The following CEP112 variants were observed in gnomAD, a reference collection of about 807,000 sequenced individuals.
CEP112 encodes the protein centrosomal protein 112.
CEP112 carries 127 observed loss-of-function variants against 153.0 expected under a neutral mutation model. That is an observed-to-expected ratio of 0.83 (90% confidence interval 0.72 to 0.96). CEP112 has a LOEUF of 0.96. CEP112 is among the 40% of genes least tolerant of loss of function. The pLI, the probability that CEP112 is intolerant of heterozygous loss-of-function variation, is 0.00. For missense variants in CEP112, 1,089 were observed against 1,101.2 expected (o/e 0.99, Z 0.16); for synonymous variants, 358 against 374.4 (o/e 0.96, Z 0.51).
intron 21 of CEP112, among the ~76,000 whole-genome samples, chr17:65,753,947 C>T (rs531089491): frequency 6.6e-6 from 1 of 152,244 alleles, no homozygotes; most frequent in South Asian, 2.1e-4. Flanking sequence ...AATGAAGCTC[C>T]TTTATAACTA....
chr17:65,711,165 T>C (rs914929756), intron 23 of CEP112, among the ~76,000 whole-genome samples: 3 of 152,186 alleles, frequency 2.0e-5, no homozygotes, highest in Admixed American at 1.3e-4. Context: ...CTCCCAGCAC[T>C]AAATTCAACT....
chr17:65,660,968 C>G (rs185284714), intron 24 of CEP112, among the ~76,000 whole-genome samples: 1 of 152,282 alleles, frequency 6.6e-6, no homozygotes, highest in African/African-American at 2.4e-5. Context: ...CTCACCCCAA[C>G]CCCACTCCCA....
chr17:65,885,128 G>C (rs975762990), intron 20 of CEP112, among the ~76,000 whole-genome samples: 2 of 152,112 alleles, frequency 1.3e-5, no homozygotes, highest in African/African-American at 2.4e-5. Flanking sequence ...ATGGAAGAAC[G>C]ATTTTTATAT....
chr17:65,984,070 G>A (rs1420439760), intron 17 of CEP112, among the ~76,000 whole-genome samples: 1 of 152,056 alleles, frequency 6.6e-6, no homozygotes, highest in Non-Finnish European at 1.5e-5. Flanking sequence ...GATGAGTAAT[G>A]CTATCATTAT....
At chr17:66,098,792 C>A (rs2068447677) in intron 6 of CEP112, among the ~76,000 whole-genome samples, 1 of 152,056 alleles carries the variant, frequency 6.6e-6, no homozygotes, top group African/African-American at 2.4e-5. Flanking sequence ...TCCATGACTA[C>A]ATCATAAAAA....
intron 4 of CEP112, among the ~76,000 whole-genome samples, chr17:66,152,515 G>T (rs1037944113): frequency 6.6e-6 from 1 of 152,072 alleles, no homozygotes; most frequent in Admixed American, 6.6e-5. Flanking sequence ...TCTCTAGATG[G>T]CAAAATATCC....
At chr17:65,992,152 T>C (rs1486423325) in intron 17 of CEP112, among the ~76,000 whole-genome samples, 5 of 152,146 alleles carry the variant, frequency 3.3e-5, no homozygotes, top group African/African-American at 4.8e-5. Flanking sequence ...AAAACAGTCA[T>C]TATGACTTTG....
chr17:66,001,760 T>C (rs1336776320), intron 17 of CEP112, among the ~76,000 whole-genome samples: 2 of 152,170 alleles, frequency 1.3e-5, no homozygotes, highest in Non-Finnish European at 2.9e-5. Flanking sequence ...CTATCCACAT[T>C]TGTTGTTTAT....
chr17:65,912,567 A>G (rs2060328508), intron 19 of CEP112, among the ~76,000 whole-genome samples: 1 of 152,164 alleles, frequency 6.6e-6, no homozygotes, highest in Non-Finnish European at 1.5e-5. Flanking sequence ...CTTTTCTGAT[A>G]CTTTGACCCT....
intron 21 of CEP112, among the ~76,000 whole-genome samples, chr17:65,790,655 C>T (rs373385759): frequency 2.0e-5 from 3 of 152,300 alleles, no homozygotes; most frequent in African/African-American, 7.2e-5. Context: ...AAACACAGGG[C>T]TCAGGCCATT....
chr17:66,106,281 G>A (rs1042438023), intron 6 of CEP112, among the ~76,000 whole-genome samples: 1 of 151,826 alleles, frequency 6.6e-6, no homozygotes, highest in African/African-American at 2.4e-5. Flanking sequence ...CCCAAAATTA[G>A]TAGAACAGAA....
At chr17:66,147,625 G>T (rs755344553) in intron 4 of CEP112, among the ~76,000 whole-genome samples, 1 of 151,918 alleles carries the variant, frequency 6.6e-6, no homozygotes, top group African/African-American at 2.4e-5. Flanking sequence ...TATGTCTTCC[G>T]TATGTTTCCC....
chr17:66,142,576 G>A (rs537849520), intron 4 of CEP112, among the ~76,000 whole-genome samples: 160 of 152,094 alleles, frequency 1.1e-3, no homozygotes, highest in African/African-American at 3.2e-3. Context: ...GTGGACTTCC[G>A]GTTTTCCTAA....
chr17:65,895,616 A>C (rs2059633001), intron 20 of CEP112, among the ~76,000 whole-genome samples: 1 of 152,032 alleles, frequency 6.6e-6, no homozygotes, highest in African/African-American at 2.4e-5. Context: ...GCCATGTCCA[A>C]GTCTCTCCAA....
At chr17:65,975,128 G>A (rs554643026) in intron 17 of CEP112, among the ~76,000 whole-genome samples, 2 of 152,244 alleles carry the variant, frequency 1.3e-5, no homozygotes, top group East Asian at 1.9e-4. Flanking sequence ...GGCTGAAGAC[G>A]AAAAGAACAC....
At chr17:65,699,653 T>C (rs1598345384) in intron 23 of CEP112, among the ~76,000 whole-genome samples, 1 of 152,112 alleles carries the variant, frequency 6.6e-6, no homozygotes, top group Admixed American at 6.6e-5. Context: ...GGGGTCTCAC[T>C]ATGTTGCCCA....
chr17:65,982,986 C>T (rs899603667), intron 17 of CEP112, among the ~76,000 whole-genome samples: 3 of 152,132 alleles, frequency 2.0e-5, no homozygotes, highest in African/African-American at 7.2e-5. Flanking sequence ...TTGTATGATT[C>T]CATTTCTATG....
intron 20 of CEP112, among the ~76,000 whole-genome samples, chr17:65,898,137 A>T (rs2059720030): frequency 6.6e-6 from 1 of 152,152 alleles, no homozygotes; most frequent in Non-Finnish European, 1.5e-5. Context: ...GCTGCTTTAG[A>T]TCCTTTTGAT....
At chr17:65,741,605 G>C (rs897753005) in intron 23 of CEP112, among the ~76,000 whole-genome samples, 1 of 151,510 alleles carries the variant, frequency 6.6e-6, no homozygotes, top group Non-Finnish European at 1.5e-5. Flanking sequence ...ATTCTTTCAA[G>C]ATTTTTTTAA....
Sources: gnomAD v4.1 joint callset for allele counts (sites outside exome capture counted in the v4.1 genomes callset) on GRCh38, gnomAD v4.1.1 for gene constraint, MANE v1.5 for transcripts, NCBI Gene and HGNC (gene_info 2026-07-23, HGNC 2026-07-21) for gene names.